FGF12: variants seen among roughly 807,000 people sequenced by gnomAD.
FGF12 encodes fibroblast growth factor 12, also known as fibroblast growth factor 12B.
In FGF12, 14 loss-of-function variants were observed where a neutral mutation model predicts 23.6. The observed-to-expected ratio is 0.59, with a 90% CI of 0.39 to 0.93. The LOEUF is 0.93. FGF12 is among the 40% of genes least tolerant of loss of function. FGF12 has a pLI of 0.00. For missense variants in FGF12, 175 were observed against 217.8 expected (o/e 0.80, Z 1.24); for synonymous variants, 62 against 77.3 (o/e 0.80, Z 1.04).
chr3:192,521,165 G>A lies in FGF12; in HGVS notation c.14-160627C>T, dbSNP rs531466923. ...TTGCCCACAGCCTTACCAACATAAT[G>A]TATTGTCCTACTTTTTCATTTATGT... is the stretch of plus-strand genomic sequence containing the variant. On this transcript the variant is annotated intron_variant, in intron 2 of 5. Transcript: ENST00000445105. The A allele has an allele frequency of 2.0e-5, 3 of 152,242 alleles. 1 individual carries two copies. Among genetic ancestry groups the A allele is most frequent in the Admixed American group, 2.0e-4 (3 of 15,294 alleles). 9.4% of individuals were successfully genotyped at this position (152,242 alleles called of 1,614,324 possible). A position where few individuals can be genotyped will look rare whatever the true frequency, so the allele number is the denominator to read the frequency against.
chr3:192,337,056 A>T (rs2108703020), intron 3 of FGF12, among the ~76,000 whole-genome samples: 1 of 152,286 alleles, frequency 6.6e-6, no homozygotes, highest in Admixed American at 6.5e-5. Flanking sequence ...TTCTTGCTAT[A>T]TTCTTACCAG....
chr3:192,576,928 A>G (rs1193466820), intron 2 of FGF12, among the ~76,000 whole-genome samples: 1 of 152,192 alleles, frequency 6.6e-6, no homozygotes, highest in Non-Finnish European at 1.5e-5. Flanking sequence ...GAAGCTGGTA[A>G]CCATCATTCT....
intron 4 of FGF12, among the ~76,000 whole-genome samples, chr3:192,304,967 C>T (rs1474042212): frequency 1.3e-5 from 2 of 151,200 alleles, no homozygotes; most frequent in East Asian, 1.9e-4. Context: ...TAACAAATAG[C>T]TATTAAAGAA....
rs1351371825 is a variant in FGF12 at position 192,256,605 on chromosome 3, T to C, written c.228+78756A>G. Among the ~76,000 whole-genome samples the C allele has an allele frequency of 2.0e-5, 3 of 152,276 alleles. No homozygotes were observed. The East Asian group carries it at 5.8e-4, about 29-fold the overall frequency. On this transcript the variant is annotated intron_variant, in intron 4 of 5. Coordinates refer to ENST00000445105, the MANE Select transcript of FGF12 (RefSeq NM_004113.6). ...AAAGCATTTAATGGCAAAAAAACTT[T>C]TTAACATCAAGTTTCTCTTGCTCCC...
At chr3:192,647,557 A>G (rs1264760981) in intron 2 of FGF12, among the ~76,000 whole-genome samples, 1 of 151,832 alleles carries the variant, frequency 6.6e-6, no homozygotes, top group Admixed American at 6.6e-5. Flanking sequence ...GGACTTATCA[A>G]TTTTTCAACT....
intron 2 of FGF12, among the ~76,000 whole-genome samples, chr3:192,422,425 T>C (rs1233576988): frequency 6.6e-6 from 1 of 152,162 alleles, no homozygotes; most frequent in Non-Finnish European, 1.5e-5. Flanking sequence ...TTCTGTCATC[T>C]TCCAAAGTAA....
At chr3:192,507,254 G>T (rs1724338100) in intron 2 of FGF12, among the ~76,000 whole-genome samples, 1 of 151,644 alleles carries the variant, frequency 6.6e-6, no homozygotes, top group African/African-American at 2.4e-5. Context: ...TGAGAGGGGG[G>T]TCCAGTCAGT....
intron 2 of FGF12, chr3:192,534,102 TA>T (rs1455069788): frequency 5.4e-6 from 1 of 184,850 alleles, no homozygotes; most frequent in African/African-American, 2.3e-5. Flanking sequence ...GCTTACGAAC[TA>T]CAAAAGGATC....
intron 2 of FGF12, among the ~76,000 whole-genome samples, chr3:192,592,731 A>G (rs1326695446): frequency 6.6e-6 from 1 of 151,862 alleles, no homozygotes; most frequent in Non-Finnish European, 1.5e-5. Context: ...AAGGGTCTCC[A>G]TCTTCTCTTT....
intron 2 of FGF12, among the ~76,000 whole-genome samples, chr3:192,642,236 A>T (rs1314126430): frequency 6.6e-6 from 1 of 152,206 alleles, no homozygotes; most frequent in African/African-American, 2.4e-5. Flanking sequence ...AATCTCTCAC[A>T]TGAGGAGCCC....
intron 2 of FGF12, among the ~76,000 whole-genome samples, chr3:192,678,133 C>T (rs2108703734): frequency 6.6e-6 from 1 of 152,334 alleles, no homozygotes; most frequent in East Asian, 1.9e-4. Context: ...TGAGCCTTGA[C>T]TATGTGACAG....
At chr3:192,172,103 G>A (rs903833999) in intron 4 of FGF12, among the ~76,000 whole-genome samples, 2 of 152,106 alleles carry the variant, frequency 1.3e-5, no homozygotes, top group Admixed American at 6.5e-5. Context: ...GAAAACTGGA[G>A]TAGGCTGGGG....
intron 4 of FGF12, among the ~76,000 whole-genome samples, chr3:192,322,397 G>A (rs1403245424): frequency 1.3e-5 from 2 of 151,808 alleles, no homozygotes; most frequent in African/African-American, 4.8e-5. Flanking sequence ...ACTACCCAAA[G>A]CAATCTACAG....
chr3:192,670,472 G>A (rs907846233), intron 2 of FGF12, among the ~76,000 whole-genome samples: 10 of 151,992 alleles, frequency 6.6e-5, no homozygotes, highest in South Asian at 2.1e-4. Flanking sequence ...ATCATCACAC[G>A]TGGACAATCT....
At chr3:192,717,141 C>G (rs1718890192) in intron 2 of FGF12, among the ~76,000 whole-genome samples, 1 of 152,162 alleles carries the variant, frequency 6.6e-6, no homozygotes, top group African/African-American at 2.4e-5. Context: ...AAAATCTGTA[C>G]ATACACAGTG....
chr3:192,661,873 C>T (rs58367334), intron 2 of FGF12, among the ~76,000 whole-genome samples: 5,101 of 152,270 alleles, frequency 0.033, 194 homozygotes, highest in East Asian at 0.13. Flanking sequence ...GACAAACAGA[C>T]CCAGTTCAAA....
chr3:192,713,123 T>C (rs901673465), intron 2 of FGF12, among the ~76,000 whole-genome samples: 7 of 152,206 alleles, frequency 4.6e-5, no homozygotes, highest in Non-Finnish European at 1.0e-4. Flanking sequence ...GTTTAATTTG[T>C]CTTAGTCATG....
At chr3:192,318,559 T>A (rs946015899) in intron 4 of FGF12, among the ~76,000 whole-genome samples, 1 of 151,974 alleles carries the variant, frequency 6.6e-6, no homozygotes, top group Non-Finnish European at 1.5e-5. Context: ...AAAAGAATTT[T>A]AAAAAATGAA....
At chr3:192,148,459 G>C (rs1394847651) in intron 5 of FGF12, among the ~76,000 whole-genome samples, 3 of 152,134 alleles carry the variant, frequency 2.0e-5, no homozygotes, top group Admixed American at 2.0e-4. Context: ...GGAAGAATGG[G>C]GATTTCTTAT....
Sources: allele counts gnomAD v4.1 joint callset (sites outside exome capture counted in the v4.1 genomes callset), GRCh38; gene constraint gnomAD v4.1.1; transcripts MANE v1.5; gene names NCBI Gene and HGNC (gene_info 2026-07-23, HGNC 2026-07-21).